The following ANO3 variants were observed in gnomAD, a reference collection of about 807,000 sequenced individuals.
The protein encoded by ANO3 is anoctamin 3.
Under a neutral mutation model 144.8 loss-of-function variants are expected in ANO3, and 99 were observed. The ratio of observed to expected loss-of-function variants is 0.68; its 90% CI spans 0.58 to 0.81. The LOEUF (loss-of-function observed/expected upper bound fraction) is 0.81, where lower values mean the gene tolerates loss of function less well. Ranked by LOEUF, ANO3 falls within the 30% of genes least tolerant of loss-of-function variation. The pLI is 0.00. For synonymous variants in ANO3, 414 were observed against 392.6 expected, an observed-to-expected ratio of 1.05 and a Z score of -0.64; for missense variants, 905 against 1,202.2, an observed-to-expected ratio of 0.75 and a Z score of 3.66.
intron 1 of ANO3, among the ~76,000 whole-genome samples, chr11:26,441,123 T>TGTTG (rs1554954663): frequency 8.1e-6 from 1 of 123,582 alleles, no homozygotes; most frequent in South Asian, 3.1e-4. Flanking sequence ...TTTTTTTTTT[T>TGTTG]TTTTTTTTTT....
At chr11:26,476,169 G>A (rs1256099148) in intron 4 of ANO3, among the ~76,000 whole-genome samples, 1 of 152,094 alleles carries the variant, frequency 6.6e-6, no homozygotes, top group Admixed American at 6.6e-5. Flanking sequence ...ATCTGGGTAT[G>A]CATTGATGAA....
At chr11:26,644,861 C>T (rs976050256) in intron 23 of ANO3, among the ~76,000 whole-genome samples, 9 of 142,686 alleles carry the variant, frequency 6.3e-5, no homozygotes, top group African/African-American at 2.3e-4. Context: ...ACCATATATA[C>T]ATACTATAAC....
chr11:26,241,453 C>CT (rs1852663026), intron 1 of ANO3, among the ~76,000 whole-genome samples: 1 of 152,170 alleles, frequency 6.6e-6, no homozygotes, highest in Admixed American at 6.5e-5. Context: ...AAAATTCTTA[C>CT]TTTCTTACTC....
chr11:26,344,792 T>C (rs1855458285), intron 1 of ANO3, among the ~76,000 whole-genome samples: 1 of 152,196 alleles, frequency 6.6e-6, no homozygotes, highest in Non-Finnish European at 1.5e-5. Flanking sequence ...AGCACCACAG[T>C]GAACAGCTTG....
intron 1 of ANO3, among the ~76,000 whole-genome samples, chr11:26,344,367 T>TC (rs1855445571): frequency 3.5e-5 from 1 of 28,474 alleles, no homozygotes; most frequent in South Asian, 2.9e-3. Context: ...AAAAATATTG[T>TC]CTTTTTTTTT....
intron 1 of ANO3, among the ~76,000 whole-genome samples, chr11:26,346,988 T>C (rs1855512475): frequency 6.6e-6 from 1 of 152,224 alleles, no homozygotes; most frequent in Admixed American, 6.5e-5. Context: ...TGGGAGCTGA[T>C]CCAGCACTGA....
chr11:26,350,065 G>T (rs140142446), intron 1 of ANO3, among the ~76,000 whole-genome samples: 3 of 152,074 alleles, frequency 2.0e-5, no homozygotes, highest in African/African-American at 7.3e-5. Flanking sequence ...GGAAGGGGGA[G>T]GAGACAGGAA....
At chr11:26,636,029 C>G (rs1348766011) in intron 20 of ANO3, among the ~76,000 whole-genome samples, 1 of 152,026 alleles carries the variant, frequency 6.6e-6, no homozygotes, top group African/African-American at 2.4e-5. Context: ...GAGACCCTGT[C>G]TTTATTTAAA....
chr11:26,460,230 T>C (rs991875204), intron 3 of ANO3: 22 of 325,706 alleles, frequency 6.8e-5, no homozygotes, highest in Non-Finnish European at 1.2e-4. Flanking sequence ...TATTTTTTCA[T>C]TTTTATTCTG....
chr11:26,222,594 C>G (rs568405909), intron 1 of ANO3, among the ~76,000 whole-genome samples: 1 of 152,244 alleles, frequency 6.6e-6, no homozygotes, highest in Non-Finnish European at 1.5e-5. Context: ...ACCCCTGCAG[C>G]AGGTTTCTGC....
chr11:26,355,254 T>G (rs1404589636), intron 1 of ANO3, among the ~76,000 whole-genome samples: 1 of 152,156 alleles, frequency 6.6e-6, no homozygotes, highest in African/African-American at 2.4e-5. Context: ...TTTTGAGCCT[T>G]TGCATATCAT....
At chr11:26,193,285 G>A (rs893489066) in intron 1 of ANO3, among the ~76,000 whole-genome samples, 9 of 151,928 alleles carry the variant, frequency 5.9e-5, no homozygotes, top group Non-Finnish European at 1.0e-4. Flanking sequence ...GGGATTGCAG[G>A]CATGCACCAC....
chr11:26,563,379 T>C, intron 14 of ANO3: 1 of 1,093,276 alleles, frequency 9.1e-7, no homozygotes, highest in Non-Finnish European at 1.2e-6. Context: ...AATTAGATAA[T>C]GGTGTGTTTC....
rs1216661940 is a variant in ANO3, at chr11:26,624,550, A to C, written c.1873+52A>C. ...CTTAGTCAGAAAATAACATATGGGC[A>C]TTTCAGTCTGTAGTTACTTTATATA... On this transcript the variant is annotated intron_variant, in intron 18 of 26. Coordinates refer to ENST00000256737, the MANE Select transcript of ANO3 (RefSeq NM_031418.4). The C allele has an allele frequency of 2.3e-6, 3 of 1,287,712 alleles. No homozygotes were observed. In the African/African-American group the frequency reaches 4.4e-5, roughly 19 times the overall value. 79.8% of individuals were successfully genotyped at this position (1,287,712 alleles called of 1,614,324 possible).
At chr11:26,527,790 A>T (rs1422687522) in intron 7 of ANO3, among the ~76,000 whole-genome samples, 1 of 152,154 alleles carries the variant, frequency 6.6e-6, no homozygotes, top group Non-Finnish European at 1.5e-5. Flanking sequence ...GCATTTTCAC[A>T]TTCAATTATT....
chr11:26,284,979 G>A (rs183354928), intron 1 of ANO3, among the ~76,000 whole-genome samples: 94 of 152,278 alleles, frequency 6.2e-4, no homozygotes, highest in African/African-American at 2.3e-3. Flanking sequence ...TGGCATAGGT[G>A]ATCTCTAAAT....
At chr11:26,299,514 AG>A (rs1246323895) in intron 1 of ANO3, among the ~76,000 whole-genome samples, 2 of 152,220 alleles carry the variant, frequency 1.3e-5, no homozygotes, top group Admixed American at 6.5e-5. Context: ...AGAAGCCACC[AG>A]GAAAACTAGA....
chr11:26,266,460 G>A (rs1375267345), intron 1 of ANO3, among the ~76,000 whole-genome samples: 5 of 139,844 alleles, frequency 3.6e-5, no homozygotes, highest in Middle Eastern at 3.6e-3. Flanking sequence ...TTGAGACAGA[G>A]TCTCACTCTG....
intron 1 of ANO3, among the ~76,000 whole-genome samples, chr11:26,236,625 T>C (rs545290920): frequency 5.9e-5 from 9 of 152,158 alleles, no homozygotes; most frequent in Admixed American, 3.9e-4. Context: ...AAGACCATCC[T>C]GGCTAACACA....
Sources: gnomAD v4.1 joint callset for allele counts (sites outside exome capture counted in the v4.1 genomes callset) on GRCh38, gnomAD v4.1.1 for gene constraint, MANE v1.5 for transcripts, NCBI Gene and HGNC (gene_info 2026-07-23, HGNC 2026-07-21) for gene names.